EPS8: variants seen among roughly 807,000 people sequenced by gnomAD.
The protein encoded by EPS8 is epidermal growth factor receptor kinase substrate 8.
In EPS8, 42 loss-of-function variants were observed where a neutral mutation model predicts 103.8. The ratio of observed to expected loss-of-function variants is 0.40; its 90% CI spans 0.32 to 0.52. EPS8 has a LOEUF of 0.52. Among genes scored for constraint, EPS8 ranks in the 20% least tolerant of loss-of-function variants. The pLI, the probability that EPS8 is intolerant of heterozygous loss-of-function variation, is 0.40. For missense variants in EPS8, 969 were observed against 1,005.1 expected, an observed-to-expected ratio of 0.96 and a Z score of 0.49; for synonymous variants, 344 against 344.6, an observed-to-expected ratio of 1.00 and a Z score of 0.02.
At chr12:15,637,793 G>A (rs1445863151) in intron 17 of EPS8, among the ~76,000 whole-genome samples, 1 of 152,208 alleles carries the variant, frequency 6.6e-6, no homozygotes, top group Non-Finnish European at 1.5e-5. Context: ...GGAGGAGAAA[G>A]AGGGTCACGC....
intron 1 of EPS8, among the ~76,000 whole-genome samples, chr12:15,741,282 C>T (rs1350535522): frequency 6.6e-6 from 1 of 152,132 alleles, no homozygotes; most frequent in East Asian, 1.9e-4. Flanking sequence ...GCAGTCCTGC[C>T]TCCAGCCACC....
chr12:15,685,094 G>A (rs947224390), intron 1 of EPS8, among the ~76,000 whole-genome samples: 1 of 152,114 alleles, frequency 6.6e-6, no homozygotes, highest in Non-Finnish European at 1.5e-5. Context: ...AATTCTTCAC[G>A]ATTGGCTAAG....
intron 13 of EPS8, among the ~76,000 whole-genome samples, chr12:15,652,491 T>C (rs1945432086): frequency 6.6e-6 from 1 of 152,150 alleles, no homozygotes; most frequent in Non-Finnish European, 1.5e-5. Flanking sequence ...GTGATGGATA[T>C]CCTAATTACC....
intron 20 of EPS8, among the ~76,000 whole-genome samples, chr12:15,622,595 T>C (rs992231900): frequency 3.3e-5 from 5 of 152,130 alleles, no homozygotes; most frequent in Non-Finnish European, 5.9e-5. Context: ...GAAGCTTAAG[T>C]ATAAAGCAAT....
intron 1 of EPS8, among the ~76,000 whole-genome samples, chr12:15,742,552 GCTTAT>G (rs1423318564): frequency 2.0e-5 from 3 of 152,170 alleles, no homozygotes; most frequent in African/African-American, 7.2e-5. Flanking sequence ...ACATCAAAAA[GCTTAT>G]CCACCACAAT....
At chr12:15,774,140 T>C (rs1947183060) in intron 1 of EPS8, among the ~76,000 whole-genome samples, 2 of 151,728 alleles carry the variant, frequency 1.3e-5, no homozygotes, top group East Asian at 1.9e-4. Context: ...ATTTTTAGCG[T>C]GTCATCAATT....
chr12:15,750,661 G>A (rs958690567), intron 1 of EPS8, among the ~76,000 whole-genome samples: 2 of 152,192 alleles, frequency 1.3e-5, no homozygotes, highest in Admixed American at 6.5e-5. Context: ...AAGTAGACCA[G>A]TGAGAATGAA....
chr12:15,694,969 T>C (rs1946223840), intron 1 of EPS8, among the ~76,000 whole-genome samples: 1 of 152,208 alleles, frequency 6.6e-6, no homozygotes, highest in Non-Finnish European at 1.5e-5. Flanking sequence ...TATTTCATTA[T>C]TGTAAAAATA....
rs927265511 is a variant in EPS8, at chr12:15,620,398, A to G, written c.*919T>C. 1.3e-5 allele frequency: 2 copies of G among 152,636 alleles called. No individual in the cohort carries two copies. The highest frequency in any genetic ancestry group is 2.9e-5 in the Non-Finnish European group (2 of 68,036). 9.5% of individuals were successfully genotyped at this position (152,636 alleles called of 1,614,324 possible). A position where few individuals can be genotyped will look rare whatever the true frequency, so the allele number is the denominator to read the frequency against. ...GGTATCTTTCTTTTCTCTATGTGGA[A>G]TCTTTCACAGGATTAAAATATGTGT... On this transcript the variant is annotated 3_prime_UTR_variant, in exon 21 of 21. Transcript: ENST00000281172.
At chr12:15,648,543 A>T (rs571922091) in intron 14 of EPS8, among the ~76,000 whole-genome samples, 2 of 152,330 alleles carry the variant, frequency 1.3e-5, no homozygotes, top group South Asian at 2.1e-4. Flanking sequence ...CATTTAAATT[A>T]AAAAAATCTG....
chr12:15,638,864 A>G (rs373255833), intron 17 of EPS8, among the ~76,000 whole-genome samples: 2 of 152,240 alleles, frequency 1.3e-5, no homozygotes, highest in African/African-American at 4.8e-5. Flanking sequence ...TTTAAACAGA[A>G]AAGTCAACTT....
chr12:15,693,167 A>G lies in EPS8; in HGVS notation c.-21-10195T>C, dbSNP rs770412335. Among the ~76,000 whole-genome samples, 4 of 152,178 alleles carry G rather than the reference A, an allele frequency of 2.6e-5. No individual in the cohort carries two copies. Among genetic ancestry groups the G allele is most frequent in the Non-Finnish European group, 5.9e-5 (4 of 68,034 alleles). On this transcript the variant is annotated intron_variant, in intron 1 of 20. Coordinates refer to ENST00000281172, the MANE Select transcript of EPS8 (RefSeq NM_004447.6). The surrounding 1 kb of genome is among the most constrained non-coding windows in gnomAD (Gnocchi z 5.6). ...TGGCAGACCCCAGCCATCAGTGTCTATCGGTCTTTTGCATAGATCAGTCAG... is the reference window on the plus strand; with the variant it reads ...TGGCAGACCCCAGCCATCAGTGTCTGTCGGTCTTTTGCATAGATCAGTCAG...
At chr12:15,694,818 G>A (rs1024415140) in intron 1 of EPS8, among the ~76,000 whole-genome samples, 7 of 152,188 alleles carry the variant, frequency 4.6e-5, no homozygotes, top group African/African-American at 1.7e-4. Flanking sequence ...ATATTTAAAA[G>A]TCAGTAAATA....
At chr12:15,756,108 A>T (rs1946983821) in intron 1 of EPS8, among the ~76,000 whole-genome samples, 1 of 152,226 alleles carries the variant, frequency 6.6e-6, no homozygotes, top group Non-Finnish European at 1.5e-5. Context: ...TGATTTATTC[A>T]ATCATTTATG....
chr12:15,724,271 C>T (rs1270726023), intron 1 of EPS8, among the ~76,000 whole-genome samples: 2 of 152,064 alleles, frequency 1.3e-5, no homozygotes, highest in Non-Finnish European at 2.9e-5. Flanking sequence ...GAAAAAGTAG[C>T]TTTTCTTAAT....
chr12:15,676,888 T>A (rs1209237697), intron 3 of EPS8, among the ~76,000 whole-genome samples: 1 of 152,216 alleles, frequency 6.6e-6, no homozygotes, highest in East Asian at 1.9e-4. Context: ...GGCAGCATAT[T>A]TTCACCATTT....
chr12:15,742,766 A>G (rs1017535927), intron 1 of EPS8, among the ~76,000 whole-genome samples: 11 of 152,202 alleles, frequency 7.2e-5, no homozygotes, highest in South Asian at 2.1e-4. Flanking sequence ...GTATCTCAAA[A>G]TAAGAGCTAT....
In EPS8 at chr12:15,681,668, T is replaced by A. The variant is rs954273788; in HGVS notation, c.60-366A>T. ...TCGCATGAACCCGGGAGGTGGAGGT[T>A]GCAGTGAGCCAAGATCGCGCTATTG... On this transcript the variant is annotated intron_variant, in intron 2 of 20. Transcript: ENST00000281172. Among the ~76,000 whole-genome samples, 6 of 139,660 alleles carry A rather than the reference T, an allele frequency of 4.3e-5. No homozygotes were observed. The South Asian group carries it at 1.3e-3, about 31-fold the overall frequency. The allele number at this position is 139,660 out of a possible 152,430, so 91.6% of individuals were successfully genotyped here.
chr12:15,784,740 T>C lies in EPS8; in HGVS notation c.-22+4421A>G, dbSNP rs982975184. On this transcript the variant is annotated intron_variant, in intron 1 of 20. Coordinates refer to ENST00000281172, the MANE Select transcript of EPS8 (RefSeq NM_004447.6). This position sits in a 1 kb window ranked among gnomAD's most constrained non-coding sequence, Gnocchi z 4.0. ...TGCCAAAAACTGGAAGCAACCAAAA[T>C]ATCCTTCAATAGGTGAATAAACAAA... 2.6e-5 allele frequency among the ~76,000 whole-genome samples: 4 copies of C among 152,082 alleles called. No homozygotes were observed. The highest frequency in any genetic ancestry group is 5.9e-5 in the Non-Finnish European group (4 of 67,962).
Sources: gnomAD v4.1 joint callset for allele counts (sites outside exome capture counted in the v4.1 genomes callset) on GRCh38, gnomAD v4.1.1 for gene constraint, Gnocchi (gnomAD v3.1) non-coding constraint, MANE v1.5 for transcripts, NCBI Gene and HGNC (gene_info 2026-07-23, HGNC 2026-07-21) for gene names.